The following SEMA5A variants were observed in gnomAD, a reference collection of about 807,000 sequenced individuals.
SEMA5A encodes semaphorin 5A.
In SEMA5A, 55 loss-of-function variants were observed where a neutral mutation model predicts 135.5. That is an observed-to-expected ratio of 0.41 (90% CI 0.33 to 0.51). The LOEUF is 0.51. SEMA5A is among the 20% of genes least tolerant of loss of function. The pLI is 0.37. For missense variants in SEMA5A, 1,290 were observed against 1,419.9 expected (o/e 0.91, Z 1.47); for synonymous variants, 580 against 546.5 (o/e 1.06, Z -0.85).
At position 9,545,903 on chromosome 5, in the gene SEMA5A, A is replaced by G. The variant is rs918871177; in HGVS notation, c.-494T>C. 1.3e-5 allele frequency: 2 copies of G among 152,364 alleles called. No individual in the cohort carries two copies. Among genetic ancestry groups the G allele is most frequent in the African/African-American group, 4.8e-5 (2 of 41,434 alleles). 9.4% of individuals were successfully genotyped at this position (152,364 alleles called of 1,614,324 possible). On this transcript the variant is annotated 5_prime_UTR_variant, in exon 1 of 23. Coordinates refer to ENST00000382496, the MANE Select transcript of SEMA5A (RefSeq NM_003966.3). The surrounding 1 kb of genome is among the most constrained non-coding windows in gnomAD (Gnocchi z 4.5). Reference sequence around the variant, plus strand: ...GGGTGGGAGAAGGGAGCGTCCCGGGATGAGCGACACTGGCCGGGCCGCCCC... The same window carrying G: ...GGGTGGGAGAAGGGAGCGTCCCGGGGTGAGCGACACTGGCCGGGCCGCCCC...
chr5:9,084,794 G>A (rs1268215908), intron 16 of SEMA5A, among the ~76,000 whole-genome samples: 1 of 152,182 alleles, frequency 6.6e-6, no homozygotes, highest in East Asian at 1.9e-4. Flanking sequence ...TTGGAACTGG[G>A]TAATAGGTAG....
intron 1 of SEMA5A, among the ~76,000 whole-genome samples, chr5:9,536,148 G>A (rs139193566): frequency 1.3e-3 from 193 of 152,260 alleles, no homozygotes; most frequent in African/African-American, 4.4e-3. Context: ...TTTGGGGGAG[G>A]ACGGTTTGGC....
At chr5:9,483,563 C>T (rs535299209) in intron 1 of SEMA5A, among the ~76,000 whole-genome samples, 1 of 152,226 alleles carries the variant, frequency 6.6e-6, no homozygotes, top group South Asian at 2.1e-4. Flanking sequence ...TAAACAAGTA[C>T]AACATGACAA....
In SEMA5A at chr5:9,330,218, G is replaced by A. The variant is rs183132502; in HGVS notation, c.224+7495C>T. Among the ~76,000 whole-genome samples the A allele has an allele frequency of 4.3e-3, 656 of 151,882 alleles. 5 individuals carry two copies. The highest frequency in any genetic ancestry group is 0.015 in the African/African-American group (625 of 41,462). ...ATCCTGGCTAACATGGTGAAACCCC[G>A]CCTCTACTAAAAATACAAAAAATTA... On this transcript the variant is annotated intron_variant, in intron 4 of 22. Coordinates refer to ENST00000382496, the MANE Select transcript of SEMA5A (RefSeq NM_003966.3).
intron 1 of SEMA5A, among the ~76,000 whole-genome samples, chr5:9,491,475 G>A (rs1417498691): frequency 6.6e-6 from 1 of 151,768 alleles, no homozygotes. Flanking sequence ...GCACTTTGAA[G>A]TTATTCTATA....
intron 2 of SEMA5A, among the ~76,000 whole-genome samples, chr5:9,418,208 C>T (rs1486782729): frequency 1.3e-5 from 2 of 152,036 alleles, no homozygotes; most frequent in Non-Finnish European, 2.9e-5. Context: ...GATCTCCTGA[C>T]CTCGTGATCC....
At chr5:9,500,423 G>A (rs930260259) in intron 1 of SEMA5A, among the ~76,000 whole-genome samples, 14 of 152,078 alleles carry the variant, frequency 9.2e-5, no homozygotes, top group African/African-American at 2.9e-4. Context: ...ACCTTCCAAC[G>A]GTTTTCATCA....
chr5:9,382,784 G>A (rs1171472219), intron 2 of SEMA5A, among the ~76,000 whole-genome samples: 4 of 152,198 alleles, frequency 2.6e-5, no homozygotes, highest in African/African-American at 9.6e-5. Flanking sequence ...TCGATAAGCA[G>A]CAACCATGGA....
At chr5:9,213,733 T>C (rs2150392714) in intron 8 of SEMA5A, among the ~76,000 whole-genome samples, 1 of 152,338 alleles carries the variant, frequency 6.6e-6, no homozygotes, top group East Asian at 1.9e-4. Flanking sequence ...ACAGTGGCCA[T>C]GTGGACTGCA....
chr5:9,512,931 G>A (rs1736287946), intron 1 of SEMA5A, among the ~76,000 whole-genome samples: 1 of 151,932 alleles, frequency 6.6e-6, no homozygotes, highest in Non-Finnish European at 1.5e-5. Flanking sequence ...TTTTCCTAGA[G>A]TGTTGCAAAC....
chr5:9,535,683 A>G (rs769502414), intron 1 of SEMA5A, among the ~76,000 whole-genome samples: 4 of 152,110 alleles, frequency 2.6e-5, no homozygotes, highest in Non-Finnish European at 4.4e-5. Context: ...TTGAGGAGTA[A>G]GGAGGCGAAG....
Position 9,250,976 on chromosome 5 carries a change from T to G in SEMA5A, c.271-13086A>C, listed in dbSNP as rs374836648. On this transcript the variant is annotated intron_variant, in intron 5 of 22. Coordinates refer to ENST00000382496, the MANE Select transcript of SEMA5A (RefSeq NM_003966.3). ...GCTCCACCAAAATTTATGTTGAAAT[T>G]TAATTGCTGTTGTAAGTATTAAGAG... 4.6e-5 allele frequency among the ~76,000 whole-genome samples: 7 copies of G among 152,298 alleles called. No individual in the cohort carries two copies. The South Asian group carries it at 8.3e-4, about 18-fold the overall frequency.
chr5:9,123,257 T>G (rs1579435416), intron 13 of SEMA5A, among the ~76,000 whole-genome samples: 1 of 7,622 alleles, frequency 1.3e-4, no homozygotes, highest in Non-Finnish European at 4.3e-4. Flanking sequence ...AGACTCCGCC[T>G]CAAAAAAAAA....
chr5:9,050,465 A>G lies in SEMA5A; in HGVS notation c.2846-8T>C, dbSNP rs141409163. ...ATCTTGCCACAGATACTTCTGGAAA[A>G]AGAAAAGTCGAATCACAATGTGTAA... On this transcript the variant is annotated splice_region_variant and splice_polypyrimidine_tract_variant and intron_variant, in intron 20 of 22. Coordinates refer to ENST00000382496, the MANE Select transcript of SEMA5A (RefSeq NM_003966.3). The G allele has an allele frequency of 5.2e-3, 8,336 of 1,611,948 alleles. 29 individuals carry two copies. The highest frequency in any genetic ancestry group is 8.6e-3 in the Middle Eastern group (52 of 6,060).
chr5:9,380,467 A>G (rs2126481214), intron 2 of SEMA5A, among the ~76,000 whole-genome samples: 1 of 152,348 alleles, frequency 6.6e-6, no homozygotes, highest in African/African-American at 2.4e-5. Flanking sequence ...TTTAGTTTTA[A>G]GAAGGCCACA....
chr5:9,310,246 TA>T (rs888006380), intron 5 of SEMA5A, among the ~76,000 whole-genome samples: 1 of 150,652 alleles, frequency 6.6e-6, no homozygotes, highest in Non-Finnish European at 1.5e-5. Flanking sequence ...GATGTTATGT[TA>T]AAAAAAAATG....
At chr5:9,253,378 AT>A (rs1251573481) in intron 5 of SEMA5A, among the ~76,000 whole-genome samples, 1 of 152,170 alleles carries the variant, frequency 6.6e-6, no homozygotes, top group Admixed American at 6.6e-5. Context: ...TCTCTTAATT[AT>A]TCTCTTAGGA....
intron 8 of SEMA5A, among the ~76,000 whole-genome samples, chr5:9,219,241 C>T (rs1286483389): frequency 1.3e-5 from 2 of 152,144 alleles, no homozygotes; most frequent in South Asian, 2.1e-4. Context: ...CTTGAACAAG[C>T]ACAGAAGTGG....
In SEMA5A at chr5:9,397,261, C is replaced by T. The variant is rs369097095; in HGVS notation, c.-77-17238G>A. 3.9e-5 allele frequency among the ~76,000 whole-genome samples: 6 copies of T among 152,170 alleles called. No homozygotes were observed. In the East Asian group the frequency reaches 1.2e-3, roughly 29 times the overall value. On this transcript the variant is annotated intron_variant, in intron 2 of 22. Coordinates refer to ENST00000382496, the MANE Select transcript of SEMA5A (RefSeq NM_003966.3). ...ATAAATGAGTGCTCATGTGAATGCACACACAAAAACACTTTCATATTGAAA... is the reference window on the plus strand; with the variant it reads ...ATAAATGAGTGCTCATGTGAATGCATACACAAAAACACTTTCATATTGAAA...
Sources: allele counts gnomAD v4.1 joint callset (sites outside exome capture counted in the v4.1 genomes callset), GRCh38; gene constraint gnomAD v4.1.1; non-coding constraint Gnocchi (gnomAD v3.1); transcripts MANE v1.5; gene names NCBI Gene and HGNC (gene_info 2026-07-23, HGNC 2026-07-21).